CABIN1: variants seen among roughly 807,000 people sequenced by gnomAD.
CABIN1 encodes the protein calcineurin-binding protein cabin-1.
CABIN1 carries 133 observed loss-of-function variants against 227.7 expected under a neutral mutation model. The ratio of observed to expected loss-of-function variants is 0.58; its 90% confidence interval spans 0.51 to 0.67. CABIN1 has a LOEUF of 0.67. Among genes scored for constraint, CABIN1 ranks in the 30% least tolerant of loss-of-function variants. The probability of loss-of-function intolerance (pLI) is 0.00; values close to 1 mark genes in which losing one functional copy is unlikely to be tolerated. For missense variants in CABIN1, 2,408 were observed against 2,852.5 expected (o/e 0.84, Z 3.55); for synonymous variants, 1,086 against 1,155.1 (o/e 0.94, Z 1.21).
At chr22:24,166,535 A>T in intron 31 of CABIN1, 104 bp from the exon 32 acceptor site, 1 of 1,385,744 alleles carries the variant, frequency 7.2e-7, no homozygotes, top group Non-Finnish European at 1.0e-6. Flanking sequence ...AGCCACACAG[A>T]TGTCAGGTGG....
At chr22:24,056,833 T>A (rs567817140) in intron 10 of CABIN1, among the ~76,000 whole-genome samples, 1 of 152,230 alleles carries the variant, frequency 6.6e-6, no homozygotes, top group South Asian at 2.1e-4. Context: ...GTTTCACTCA[T>A]TCTTAGTGCT....
chr22:24,113,327 G>A (rs908691119), intron 26 of CABIN1, among the ~76,000 whole-genome samples: 1 of 152,198 alleles, frequency 6.6e-6, no homozygotes, highest in African/African-American at 2.4e-5. Context: ...ACATTTACCA[G>A]AATACCACTG....
rs774758945 is a variant in CABIN1 at position 24,062,950 on chromosome 22, G to A, written c.1697-9G>A. ...CATGAAGTTGACTCGTTGGCCTGATGGTTTTTAGTGTCTCCTCGGAACTGC... is the reference window on the plus strand; with the variant it reads ...CATGAAGTTGACTCGTTGGCCTGATAGTTTTTAGTGTCTCCTCGGAACTGC... On this transcript the variant is annotated splice_polypyrimidine_tract_variant and intron_variant, in intron 13 of 36. Transcript: ENST00000263119. The A allele has an allele frequency of 6.2e-7, 1 of 1,613,870 alleles. No homozygotes were observed. The highest frequency in any genetic ancestry group is 8.5e-7 in the Non-Finnish European group (1 of 1,179,772).
intron 1 of CABIN1, among the ~76,000 whole-genome samples, chr22:24,021,913 G>A (rs554077805): frequency 5.9e-5 from 9 of 152,106 alleles, no homozygotes; most frequent in African/African-American, 2.2e-4. Context: ...TCGAATCCCC[G>A]ACCTCAGGTG....
chr22:24,025,205 T>C (rs1044348829), intron 1 of CABIN1, among the ~76,000 whole-genome samples: 1 of 152,188 alleles, frequency 6.6e-6, no homozygotes, highest in African/African-American at 2.4e-5. Flanking sequence ...CAGCCATCAA[T>C]TTTTGACTTT....
At chr22:24,171,656 C>T (rs778851790) in intron 33 of CABIN1, 57 bp from the exon 34 acceptor site, 142 of 1,603,922 alleles carry the variant, frequency 8.9e-5, no homozygotes, top group Non-Finnish European at 1.1e-4. Flanking sequence ...GCGGGCAGAG[C>T]AGCGTGGGCT....
Position 24,091,577 on chromosome 22 carries a change from T to C in CABIN1, c.3526-6T>C. ...AGGCCAGCCCAGTCTCATGATCTTC[T>C]TACAGATGGAGGGCCGGCGCGACAG... On this transcript the variant is annotated splice_polypyrimidine_tract_variant and splice_region_variant and intron_variant, in intron 23 of 36. Coordinates refer to ENST00000263119, the MANE Select transcript of CABIN1 (RefSeq NM_012295.4). 1 of 1,614,156 alleles carries C rather than the reference T, an allele frequency of 6.2e-7. No individual in the cohort carries two copies. Among genetic ancestry groups the C allele is most frequent in the South Asian group, 1.1e-5 (1 of 91,088 alleles).
At chr22:24,168,379 C>T (rs1173106141) in intron 32 of CABIN1, 68 bp from the exon 33 acceptor site, 34 of 1,477,726 alleles carry the variant, frequency 2.3e-5, no homozygotes, top group Non-Finnish European at 3.0e-5. Flanking sequence ...GCTACATACA[C>T]AGACAGGGCT....
intron 14 of CABIN1, among the ~76,000 whole-genome samples, chr22:24,063,818 C>G (rs375898881): frequency 5.9e-5 from 9 of 152,322 alleles, no homozygotes; most frequent in African/African-American, 2.2e-4. Context: ...TTTATGATAT[C>G]TCCCCTCGCA....
chr22:24,160,986 C>G (rs1569301388), intron 29 of CABIN1, among the ~76,000 whole-genome samples: 1 of 152,216 alleles, frequency 6.6e-6, no homozygotes, highest in African/African-American at 2.4e-5. Context: ...CCCCTAGGCT[C>G]ACTCTACCAT....
chr22:24,036,017 A>T (rs1705423583), intron 2 of CABIN1, 72 bp from the exon 3 acceptor site: 10 of 968,714 alleles, frequency 1.0e-5, no homozygotes, highest in East Asian at 4.8e-5. Context: ...AATTGTATTC[A>T]TCTGTGGGTA....
chr22:24,136,775 T>C (rs1227155748), intron 29 of CABIN1, among the ~76,000 whole-genome samples: 1 of 150,278 alleles, frequency 6.7e-6, no homozygotes, highest in Non-Finnish European at 1.5e-5. Flanking sequence ...ACAGAAAGGC[T>C]CAGTGCTTCA....
intron 14 of CABIN1, 22 bp from the exon 15 acceptor site, chr22:24,064,013 G>T: frequency 1.9e-6 from 3 of 1,613,894 alleles, no homozygotes; most frequent in Non-Finnish European, 2.5e-6. Flanking sequence ...TTGGTTCCCT[G>T]ACCTGTTTTC....
chr22:24,118,194 G>A (rs2043194335), intron 27 of CABIN1, among the ~76,000 whole-genome samples: 1 of 152,198 alleles, frequency 6.6e-6, no homozygotes, highest in Non-Finnish European at 1.5e-5. Flanking sequence ...TCCAGGAGAA[G>A]GAGTGATGGT....
rs558559792 is a variant in CABIN1 at position 24,074,922 on chromosome 22, G to A, written c.2633-1247G>A. On this transcript the variant is annotated intron_variant, in intron 18 of 36. Coordinates refer to ENST00000263119, the MANE Select transcript of CABIN1 (RefSeq NM_012295.4). Reference sequence around the variant, plus strand: ...TAAGAGCCAAAAGTAACAGGGCATGGTGGCTCACTCCTGTAATTCCCACAC... The same window carrying A: ...TAAGAGCCAAAAGTAACAGGGCATGATGGCTCACTCCTGTAATTCCCACAC... Among the ~76,000 whole-genome samples the A allele has an allele frequency of 2.0e-5, 3 of 152,336 alleles. No individual in the cohort carries two copies. The South Asian group carries it at 6.2e-4, about 32-fold the overall frequency.
intron 4 of CABIN1, among the ~76,000 whole-genome samples, chr22:24,039,098 T>C (rs187450905): frequency 3.3e-5 from 5 of 152,250 alleles, no homozygotes; most frequent in African/African-American, 4.8e-5. Flanking sequence ...TGGGAATTGG[T>C]CCCAACCTGA....
chr22:24,057,049 G>A (rs1204020192), intron 10 of CABIN1, among the ~76,000 whole-genome samples: 1 of 151,978 alleles, frequency 6.6e-6, no homozygotes, highest in Non-Finnish European at 1.5e-5. Context: ...CCATTCTCCT[G>A]CCTCAGCCTC....
chr22:24,094,903 T>C (rs2041795282), intron 24 of CABIN1, among the ~76,000 whole-genome samples: 1 of 151,952 alleles, frequency 6.6e-6, no homozygotes, highest in African/African-American at 2.4e-5. Context: ...AAAATTCTCC[T>C]CTGCTATTGT....
Position 24,059,229 on chromosome 22 carries a change from T to A in CABIN1, c.1265T>A (p.Leu422Ter), listed in dbSNP as rs751823866. ...ELLMKFLPSRLRKLDPEEEDD... is the reference protein window; with the variant it reads ...ELLMKFLPSR ...TGATTTTGGCATGTTACATGCAGGT[T>A]AAGAAAGCTGGACCCTGAGGAGGAA... Residue 422 changes from leucine to a stop codon, truncating the protein, a stop_gained and splice_region_variant, in exon 11 of 37, where the codon TTA (leucine) becomes TAA (stop). Transcript: ENST00000263119. LOFTEE classifies it high-confidence loss of function. 6.2e-7 allele frequency: 1 copy of A among 1,614,122 alleles called. No homozygotes were observed. The highest frequency in any genetic ancestry group is 1.3e-5 in the African/African-American group (1 of 74,948).
Sources: gnomAD v4.1 joint callset for allele counts (sites outside exome capture counted in the v4.1 genomes callset) on GRCh38, gnomAD v4.1.1 for gene constraint, MANE v1.5 for transcripts, NCBI Gene and HGNC (gene_info 2026-07-23, HGNC 2026-07-21) for gene names.